RPS6KA1: variants seen among roughly 807,000 people sequenced by gnomAD.
RPS6KA1 encodes the protein ribosomal protein S6 kinase A1.
A neutral mutation model predicts 91.3 loss-of-function variants in RPS6KA1; 48 were observed. The observed-to-expected ratio is 0.53, with a 90% CI of 0.42 to 0.67. The LOEUF is 0.67. RPS6KA1 is among the 30% of genes least tolerant of loss of function. The pLI, the probability that RPS6KA1 is intolerant of heterozygous loss-of-function variation, is 0.00. For synonymous variants in RPS6KA1, 359 were observed against 384.7 expected, an observed-to-expected ratio of 0.93 and a Z score of 0.78; for missense variants, 719 against 960.5, an observed-to-expected ratio of 0.75 and a Z score of 3.32.
chr1:26,552,054 G>C (rs1401528461), intron 6 of RPS6KA1, among the ~76,000 whole-genome samples: 2 of 152,230 alleles, frequency 1.3e-5, no homozygotes, highest in Non-Finnish European at 2.9e-5. Flanking sequence ...GACTTTAGCA[G>C]TCATCTTGCG....
Position 26,574,464 on chromosome 1 carries a change from A to C in RPS6KA1, c.*263A>C. ...TATGAAAAAAATGGCATCAACCACC[A>C]TGGATTTTTACAAGATCCATTTGCC... is the stretch of plus-strand genomic sequence containing the variant. On this transcript the variant is annotated 3_prime_UTR_variant, in exon 22 of 22. Coordinates refer to ENST00000374168, the MANE Select transcript of RPS6KA1 (RefSeq NM_002953.4). This position sits in a 1 kb window ranked among gnomAD's most constrained non-coding sequence, Gnocchi z 4.3. 1 of 641,468 alleles carries C rather than the reference A, an allele frequency of 1.6e-6. No individual in the cohort carries two copies. 39.7% of individuals were successfully genotyped at this position (641,468 alleles called of 1,614,324 possible).
rs1570453703 is a variant in RPS6KA1, at chr1:26,561,758, C to G, written c.1590+95C>G. The G allele has an allele frequency of 7.6e-7, 1 of 1,321,410 alleles. No individual in the cohort carries two copies. Among genetic ancestry groups the G allele is most frequent in the Non-Finnish European group, 1.0e-6 (1 of 961,956 alleles). The allele number at this position is 1,321,410 out of a possible 1,614,324, so 81.9% of individuals were successfully genotyped here. A position where few individuals can be genotyped will look rare whatever the true frequency, so the allele number is the denominator to read the frequency against. On this transcript the variant is annotated intron_variant, in intron 17 of 21. Transcript: ENST00000374168. The surrounding 1 kb of genome is among the most constrained non-coding windows in gnomAD (Gnocchi z 5.7). Reference sequence around the variant, plus strand: ...CCTGCTGGCCCAGGAATGGCAGCCTCCAGCTAGCCAAACTGAGGGGACACT... The same window carrying G: ...CCTGCTGGCCCAGGAATGGCAGCCTGCAGCTAGCCAAACTGAGGGGACACT...
chr1:26,563,389 G>A (rs940491784), intron 17 of RPS6KA1, among the ~76,000 whole-genome samples: 8 of 151,016 alleles, frequency 5.3e-5, no homozygotes, highest in African/African-American at 1.9e-4. Flanking sequence ...CACCACACCT[G>A]GCTAATTTTG....
rs2124636988 is a variant in RPS6KA1 at position 26,551,981 on chromosome 1, AGGGCTGCTCT to A, written c.468+263_468+272del. On this transcript the variant is annotated intron_variant, in intron 6 of 21. Transcript: ENST00000374168. This position sits in a 1 kb window ranked among gnomAD's most constrained non-coding sequence, Gnocchi z 4.5. ...CTCACCTCTGCACCTGCCTTCTTCC[AGGGCTGCTCT>A]GGGCAGAGGTGTGAAGATAGGGGAG... is the stretch of plus-strand genomic sequence containing the variant. Among the ~76,000 whole-genome samples, 1 of 152,370 alleles carries A rather than the reference AGGGCTGCTCT, an allele frequency of 6.6e-6. No individual in the cohort carries two copies. The highest frequency in any genetic ancestry group is 1.9e-4 in the East Asian group (1 of 5,190).
chr1:26,555,372 C>G lies in RPS6KA1; in HGVS notation c.827+151C>G, dbSNP rs938728870. On this transcript the variant is annotated intron_variant, in intron 10 of 21. Transcript: ENST00000374168. The surrounding 1 kb of genome is among the most constrained non-coding windows in gnomAD (Gnocchi z 4.3). ...AAACATTATACCTTCCAGAGCCCCT[C>G]TTTCATCCCTGGGGGCCTGTGGGTA... 2.0e-6 allele frequency: 2 copies of G among 1,024,700 alleles called. No individual in the cohort carries two copies. Among genetic ancestry groups the G allele is most frequent in the Non-Finnish European group, 2.9e-6 (2 of 687,996 alleles). The allele number at this position is 1,024,700 out of a possible 1,614,324, so 63.5% of individuals were successfully genotyped here. A position where few individuals can be genotyped will look rare whatever the true frequency, so the allele number is the denominator to read the frequency against.
rs1489510729 is a variant in RPS6KA1 at position 26,561,027 on chromosome 1, T to G, written c.1342-18T>G. ...ACCCTGTCACCCTGACACTGCCACA[T>G]GCACCCCCTTTCTTCAGGTCATTGA... On this transcript the variant is annotated intron_variant, in intron 15 of 21. Transcript: ENST00000374168. This position sits in a 1 kb window ranked among gnomAD's most constrained non-coding sequence, Gnocchi z 5.7. 1 of 1,611,986 alleles carries G rather than the reference T, an allele frequency of 6.2e-7. No homozygotes were observed. Among genetic ancestry groups the G allele is most frequent in the Admixed American group, 1.7e-5 (1 of 60,002 alleles).
At chr1:26,536,858 C>G (rs1480339659) in intron 1 of RPS6KA1, 67 bp from the exon 2 acceptor site, 1 of 1,583,694 alleles carries the variant, frequency 6.3e-7, no homozygotes, top group Non-Finnish European at 8.7e-7. Flanking sequence ...GGGGGTGCCC[C>G]ACAGAGTCTT....
At chr1:26,536,194 G>A (rs1452534638) in intron 1 of RPS6KA1, among the ~76,000 whole-genome samples, 3 of 150,000 alleles carry the variant, frequency 2.0e-5, no homozygotes, top group Non-Finnish European at 3.0e-5. Flanking sequence ...CCACAGGTGC[G>A]AGGCACTGAG....
In RPS6KA1 at chr1:26,551,768, GGAC is replaced by G; in HGVS notation, c.468+49_468+51del. 1 of 1,519,444 alleles carries G rather than the reference GGAC, an allele frequency of 6.6e-7. No homozygotes were observed. Among genetic ancestry groups the G allele is most frequent in the South Asian group, 1.1e-5 (1 of 89,092 alleles). The allele number at this position is 1,519,444 out of a possible 1,614,324, so 94.1% of individuals were successfully genotyped here. A position where few individuals can be genotyped will look rare whatever the true frequency, so the allele number is the denominator to read the frequency against. On this transcript the variant is annotated intron_variant, in intron 6 of 21. Coordinates refer to ENST00000374168, the MANE Select transcript of RPS6KA1 (RefSeq NM_002953.4). This position sits in a 1 kb window ranked among gnomAD's most constrained non-coding sequence, Gnocchi z 4.5. ...CAGAGGGCCCCGGGATGGAGCTGAG[GGAC>G]GACAAGTCCTCCCATCCCAGGGCCC...
intron 15 of RPS6KA1, 41 bp downstream of exon 15, chr1:26,560,892 G>A: frequency 6.2e-7 from 1 of 1,613,480 alleles, no homozygotes; most frequent in African/African-American, 1.3e-5. Context: ...CTGCTGGGTT[G>A]GGGGCAGGTC....
rs183627925 is a variant in RPS6KA1, at chr1:26,566,151, C to T, written c.1590+4488C>T. On this transcript the variant is annotated intron_variant, in intron 17 of 21. Transcript: ENST00000374168. ...TAGCAGATATTGCCAAACAGTTTTC[C>T]AGAGTGCTTTTGCTAATTTACACTC... Among the ~76,000 whole-genome samples, 8 of 152,224 alleles carry T rather than the reference C, an allele frequency of 5.3e-5. No individual in the cohort carries two copies. In the East Asian group the frequency reaches 1.2e-3, roughly 22 times the overall value.
intron 1 of RPS6KA1, among the ~76,000 whole-genome samples, 196 bp from the exon 2 acceptor site, chr1:26,536,729 C>T (rs567209538): frequency 2.5e-4 from 38 of 152,292 alleles, no homozygotes; most frequent in Non-Finnish European, 4.4e-4. Context: ...AGTCATGAGG[C>T]GCCATTGCCA....
Position 26,557,007 on chromosome 1 carries a change from C to T in RPS6KA1, c.991C>T (p.Arg331Cys), listed in dbSNP as rs778291384. Residue 331 changes from arginine (R) to cysteine (C), a missense_variant, in exon 13 of 22, where the codon CGT becomes TGT. Coordinates refer to ENST00000374168, the MANE Select transcript of RPS6KA1 (RefSeq NM_002953.4). ...CCACCCCACTGTGCAGAAGCTATAC[C>T]GTCGTGAGATCAAGCCACCCTTCAA... Reference protein sequence around the residue: ...YSTIDWNKLYRREIKPPFKPA... With the variant: ...YSTIDWNKLYCREIKPPFKPA... 7 of 1,613,596 alleles carry T rather than the reference C, an allele frequency of 4.3e-6. No homozygotes were observed. Among genetic ancestry groups the T allele is most frequent in the South Asian group, 1.1e-5 (1 of 91,064 alleles).
At chr1:26,560,531 G>A (rs542955398) in intron 14 of RPS6KA1, among the ~76,000 whole-genome samples, 195 bp from the exon 15 acceptor site, 27 of 152,362 alleles carry the variant, frequency 1.8e-4, no homozygotes, top group African/African-American at 6.5e-4. Context: ...CAGTGAGTAT[G>A]CCCATTATAT....
Position 26,560,992 on chromosome 1 carries a change from A to G in RPS6KA1, c.1342-53A>G, listed in dbSNP as rs146322971. 5.1e-4 allele frequency: 820 copies of G among 1,597,818 alleles called. 6 individuals are homozygous for G. In the African/African-American group the frequency reaches 0.01, roughly 20 times the overall value. ...CTCCTGGCCTGCTCCATGGCCAGAA[A>G]GGACCCTGGACCCTGTCACCCTGAC... is the stretch of plus-strand genomic sequence containing the variant. On this transcript the variant is annotated intron_variant, in intron 15 of 21. Coordinates refer to ENST00000374168, the MANE Select transcript of RPS6KA1 (RefSeq NM_002953.4).
At chr1:26,566,109 G>T (rs1189268748) in intron 17 of RPS6KA1, among the ~76,000 whole-genome samples, 2 of 152,120 alleles carry the variant, frequency 1.3e-5, no homozygotes, top group Non-Finnish European at 2.9e-5. Context: ...GGGTCAGAGT[G>T]TTTGTGTGTT....
chr1:26,571,799 G>T lies in RPS6KA1; in HGVS notation c.1753-50G>T. ...GGGAGTAGCAGGAAACATCTGTGGC[G>T]ACTTTCTACTGCCCCCCCAGACTGA... On this transcript the variant is annotated intron_variant, in intron 18 of 21. Transcript: ENST00000374168. This position sits in a 1 kb window ranked among gnomAD's most constrained non-coding sequence, Gnocchi z 5.1. 6.4e-7 allele frequency: 1 copy of T among 1,569,734 alleles called. No homozygotes were observed. The highest frequency in any genetic ancestry group is 1.1e-5 in the South Asian group (1 of 88,792).
rs1369367692 is a variant in RPS6KA1 at position 26,540,473 on chromosome 1, T to A, written c.108+3504T>A. ...CCTCAGGACCCAGCTGGGCTGCCCC[T>A]CTCTGGAAGGTCTTTCTTGACTTCA... On this transcript the variant is annotated intron_variant, in intron 2 of 21. Transcript: ENST00000374168. This position sits in a 1 kb window ranked among gnomAD's most constrained non-coding sequence, Gnocchi z 4.2. 6.6e-6 allele frequency among the ~76,000 whole-genome samples: 1 copy of A among 152,186 alleles called. No homozygotes were observed. Among genetic ancestry groups the A allele is most frequent in the Non-Finnish European group, 1.5e-5 (1 of 68,022 alleles).
intron 17 of RPS6KA1, among the ~76,000 whole-genome samples, chr1:26,567,021 C>CTT (rs1553134124): frequency 6.1e-4 from 47 of 76,812 alleles, no homozygotes; most frequent in Non-Finnish European, 8.7e-4. Flanking sequence ...TACATATTAA[C>CTT]TTTTTTTTTT....
Sources: allele counts gnomAD v4.1 joint callset (sites outside exome capture counted in the v4.1 genomes callset), GRCh38; gene constraint gnomAD v4.1.1; non-coding constraint Gnocchi (gnomAD v3.1); transcripts MANE v1.5; gene names NCBI Gene and HGNC (gene_info 2026-07-23, HGNC 2026-07-21).